KLRG2: variants seen among roughly 807,000 people sequenced by gnomAD.
KLRG2 encodes the protein killer cell lectin like receptor G2.
In KLRG2, 39 loss-of-function variants were observed where a neutral mutation model predicts 35.4. The observed-to-expected ratio is 1.10, with a 90% CI of 0.85 to 1.44. KLRG2 has a LOEUF of 1.44. KLRG2 is among the 40% of genes most tolerant of loss of function. The probability of loss-of-function intolerance (pLI) is 0.00; values close to 1 mark genes in which losing one functional copy is unlikely to be tolerated. For synonymous variants in KLRG2, 283 were observed against 265.8 expected (o/e 1.06, Z -0.63); for missense variants, 632 against 570.9 (o/e 1.11, Z -1.09).
chr7:139,466,756 A>G (rs1569413098), intron 3 of KLRG2, among the ~76,000 whole-genome samples: 1 of 126,968 alleles, frequency 7.9e-6, no homozygotes, highest in Non-Finnish European at 1.6e-5. Context: ...AAAAAAAATA[A>G]AAAAAGGGGG....
chr7:139,445,781 G>GTATGTATATATATATA, the KLRG2 span, among the ~76,000 whole-genome samples: 3 of 98,508 alleles, frequency 3.0e-5, no homozygotes, highest in African/African-American at 2.3e-4. Context: ...ATATATATAT[G>GTATGTATATATATATA]TATATATATA....
At chr7:139,449,768 T>G (rs867296810), downstream of KLRG2, among the ~76,000 whole-genome samples, 1 of 149,008 alleles carries the variant, frequency 6.7e-6, no homozygotes, top group African/African-American at 2.5e-5. Flanking sequence ...GGCACGATCT[T>G]GGCTCACTGC....
intron 3 of KLRG2, among the ~76,000 whole-genome samples, chr7:139,462,123 C>T (rs939594439): frequency 2.6e-5 from 4 of 152,172 alleles, no homozygotes; most frequent in African/African-American, 7.2e-5. Flanking sequence ...CTGGTAGAGA[C>T]AGGAGACGCG....
chr7:139,477,030 T>G (rs1796862655), intron 3 of KLRG2, among the ~76,000 whole-genome samples: 1 of 152,202 alleles, frequency 6.6e-6, no homozygotes, highest in African/African-American at 2.4e-5. Context: ...ATTAAAGCAC[T>G]GACGGAAGGA....
At chr7:139,480,359 A>AC in intron 1 of KLRG2, 112 bp from the exon 2 acceptor site, 3 of 499,798 alleles carry the variant, frequency 6.0e-6, no homozygotes, top group African/African-American at 2.2e-5. Context: ...CCCAGCACCC[A>AC]CCCCCTCAGC....
At chr7:139,466,745 TAAAA>T (rs1029095163) in intron 3 of KLRG2, among the ~76,000 whole-genome samples, 1 of 122,738 alleles carries the variant, frequency 8.1e-6, no homozygotes, top group Admixed American at 8.3e-5. Flanking sequence ...AAAAATAAAA[TAAAA>T]AAAATAAAAA....
intron 3 of KLRG2, among the ~76,000 whole-genome samples, chr7:139,467,741 CCA>C (rs1796689751): frequency 6.6e-6 from 1 of 151,894 alleles, no homozygotes; most frequent in Non-Finnish European, 1.5e-5. Context: ...CAGGTATTGT[CCA>C]AGGTTTCTCC....
chr7:139,442,743 A>C, the KLRG2 span, among the ~76,000 whole-genome samples: 31 of 152,264 alleles, frequency 2.0e-4, no homozygotes, highest in Middle Eastern at 3.4e-3. Flanking sequence ...GATACTCAGG[A>C]GGCTGAGCCC....
chr7:139,450,819 CAT>C (rs1199300694), downstream of KLRG2, among the ~76,000 whole-genome samples: 10 of 152,136 alleles, frequency 6.6e-5, no homozygotes, highest in African/African-American at 2.4e-4. Flanking sequence ...TAAACAGCGA[CAT>C]ATTTCTCTTC....
At chr7:139,445,795 G>GTATATATATATA in the KLRG2 span, among the ~76,000 whole-genome samples, 32 of 91,872 alleles carry the variant, frequency 3.5e-4, no homozygotes, top group African/African-American at 7.8e-4. Context: ...ATATATATGT[G>GTATATATATATA]TGTATATATA....
At chr7:139,482,380 GA>G (rs1279539654) in intron 1 of KLRG2, among the ~76,000 whole-genome samples, 5 of 152,044 alleles carry the variant, frequency 3.3e-5, no homozygotes, top group African/African-American at 4.8e-5. Context: ...GGGAGGATGA[GA>G]AGGGGAGTGG....
chr7:139,450,501 G>T (rs1291501955), downstream of KLRG2, among the ~76,000 whole-genome samples: 12 of 152,162 alleles, frequency 7.9e-5, no homozygotes, highest in Non-Finnish European at 1.5e-5. Flanking sequence ...GGGATTACAG[G>T]GGTGAGCCAC....
At chr7:139,452,294 ATTAC>A (rs1796388399), downstream of KLRG2, among the ~76,000 whole-genome samples, 1 of 151,944 alleles carries the variant, frequency 6.6e-6, no homozygotes, top group Admixed American at 6.6e-5. Context: ...CCTTTTTGTT[ATTAC>A]TTTCAGGAGT....
chr7:139,431,287 T>C, the KLRG2 span, among the ~76,000 whole-genome samples: 1,684 of 152,312 alleles, frequency 0.011, 16 homozygotes, highest in Middle Eastern at 0.017. Context: ...GAGGGAACTT[T>C]CTAGCGTGTT....
At chr7:139,478,247 T>A (rs1796888795) in intron 3 of KLRG2, among the ~76,000 whole-genome samples, 1 of 151,524 alleles carries the variant, frequency 6.6e-6, no homozygotes, top group Admixed American at 6.6e-5. Flanking sequence ...ATGACTGTAG[T>A]CCTTGCTATT....
chr7:139,460,814 CT>C (rs757430360), intron 3 of KLRG2, among the ~76,000 whole-genome samples: 4 of 151,924 alleles, frequency 2.6e-5, no homozygotes, highest in Non-Finnish European at 5.9e-5. Context: ...CAAAAATTAG[CT>C]GCATGTGGTG....
chr7:139,449,313 A>G (rs570643848), downstream of KLRG2, among the ~76,000 whole-genome samples: 3 of 151,806 alleles, frequency 2.0e-5, no homozygotes, highest in Non-Finnish European at 4.4e-5. Context: ...AGGCAGGCGA[A>G]TCACTGGAAC....
At chr7:139,428,307 G>T in the KLRG2 span, among the ~76,000 whole-genome samples, 4 of 152,026 alleles carry the variant, frequency 2.6e-5, no homozygotes, top group African/African-American at 9.7e-5. Flanking sequence ...GTGCAGTGGT[G>T]CACATGGCTT....
chr7:139,445,078 T>C, the KLRG2 span, among the ~76,000 whole-genome samples: 2 of 127,732 alleles, frequency 1.6e-5, no homozygotes, highest in East Asian at 4.0e-4. Flanking sequence ...TGGCACTATT[T>C]CTATTTTTTT....
Sources: gnomAD v4.1 joint callset for allele counts (sites outside exome capture counted in the v4.1 genomes callset) on GRCh38, gnomAD v4.1.1 for gene constraint, MANE v1.5 for transcripts, NCBI Gene and HGNC (gene_info 2026-07-23, HGNC 2026-07-21) for gene names.